SORCS2: variants seen among roughly 807,000 people sequenced by gnomAD.
SORCS2 encodes VPS10 domain-containing receptor SorCS2.
In SORCS2, 100 loss-of-function variants were observed where a neutral mutation model predicts 141.6. The ratio of observed to expected loss-of-function variants is 0.71; its 90% CI spans 0.60 to 0.83. The LOEUF (loss-of-function observed/expected upper bound fraction) is 0.83, where lower values mean the gene tolerates loss of function less well. Ranked by LOEUF, SORCS2 falls within the 40% of genes least tolerant of loss-of-function variation. SORCS2 has a pLI of 0.00. For synonymous variants in SORCS2, 789 were observed against 676.9 expected, an observed-to-expected ratio of 1.17 and a Z score of -2.57; for missense variants, 1,646 against 1,560.2, an observed-to-expected ratio of 1.05 and a Z score of -0.93.
At chr4:7,729,812 A>C in intron 23 of SORCS2, 100 bp downstream of exon 23, 3 of 1,479,700 alleles carry the variant, frequency 2.0e-6, no homozygotes, top group Non-Finnish European at 2.7e-6. Flanking sequence ...CATGGCATAA[A>C]GGCGTCTTTC....
chr4:7,542,165 G>T (rs1712729131), intron 3 of SORCS2, among the ~76,000 whole-genome samples: 3 of 152,208 alleles, frequency 2.0e-5, no homozygotes, highest in Admixed American at 2.0e-4. Flanking sequence ...GCGGAGGGTT[G>T]GGGGGTGTTC....
intron 4 of SORCS2, among the ~76,000 whole-genome samples, chr4:7,646,800 G>C (rs138577380): frequency 1.3e-5 from 2 of 152,328 alleles, no homozygotes; most frequent in African/African-American, 4.8e-5. Flanking sequence ...TTTAAGCTGA[G>C]CCCTCTGGGG....
Position 7,682,708 on chromosome 4 carries a change from G to A in SORCS2, c.1342-35G>A. The A allele has an allele frequency of 6.3e-6, 10 of 1,583,368 alleles. 1 individual carries two copies. Among genetic ancestry groups the A allele is most frequent in the South Asian group, 3.5e-5 (3 of 86,102 alleles). On this transcript the variant is annotated intron_variant, in intron 9 of 26. Coordinates refer to ENST00000507866, the MANE Select transcript of SORCS2 (RefSeq NM_020777.3). ...TACTTGGTCATCAGAGTGCTCCAGT[G>A]TAAGTTTACAGTCCTTCTTTTATTT...
chr4:7,264,052 C>A (rs1714551026), intron 1 of SORCS2, among the ~76,000 whole-genome samples: 1 of 152,172 alleles, frequency 6.6e-6, no homozygotes, highest in Non-Finnish European at 1.5e-5. Context: ...CACAGAGGCC[C>A]CCCTCCCTTT....
At chr4:7,585,501 C>T (rs1349191942) in intron 3 of SORCS2, among the ~76,000 whole-genome samples, 6 of 152,320 alleles carry the variant, frequency 3.9e-5, no homozygotes, top group African/African-American at 1.4e-4. Flanking sequence ...GTGGCCTCAC[C>T]TTGCTGAAAC....
rs376771217 is a variant in SORCS2 at position 7,701,534 on chromosome 4, C to T, written c.1669-1746C>T. On this transcript the variant is annotated intron_variant, in intron 12 of 26. Coordinates refer to ENST00000507866, the MANE Select transcript of SORCS2 (RefSeq NM_020777.3). ...AGGTCAAGGTGGGCAGGGGCCCCTC[C>T]TTCGGGGCCCTGAGGCCGTGGTAGG... Among the ~76,000 whole-genome samples the T allele has an allele frequency of 2.8e-4, 43 of 152,278 alleles. 1 individual carries two copies. In the South Asian group the frequency reaches 8.3e-3, roughly 29 times the overall value.
chr4:7,522,271 A>G (rs934628669), intron 2 of SORCS2, among the ~76,000 whole-genome samples: 1 of 152,184 alleles, frequency 6.6e-6, no homozygotes, highest in Non-Finnish European at 1.5e-5. Context: ...GTCCCCGCCA[A>G]TGGAGTAATT....
intron 2 of SORCS2, among the ~76,000 whole-genome samples, chr4:7,425,466 G>A (rs1182388931): frequency 6.6e-6 from 1 of 152,176 alleles, no homozygotes; most frequent in Non-Finnish European, 1.5e-5. Context: ...GGAGTGGCGA[G>A]ACGTTCCCCT....
intron 11 of SORCS2, among the ~76,000 whole-genome samples, chr4:7,693,243 G>A (rs1229802502): frequency 6.6e-6 from 1 of 152,088 alleles, no homozygotes; most frequent in Non-Finnish European, 1.5e-5. Context: ...AATAGACTAG[G>A]ATAGGAATCC....
At chr4:7,361,637 G>C (rs2109024340) in intron 1 of SORCS2, among the ~76,000 whole-genome samples, 1 of 152,282 alleles carries the variant, frequency 6.6e-6, no homozygotes, top group Admixed American at 6.5e-5. Flanking sequence ...CTGCTTGCCT[G>C]ACTCCAACAG....
At chr4:7,588,174 G>T (rs11721619) in intron 3 of SORCS2, among the ~76,000 whole-genome samples, 43,261 of 152,042 alleles carry the variant, frequency 0.28, 7,001 homozygotes, top group East Asian at 0.67. Flanking sequence ...ATCTTCTGCG[G>T]TCGGCAAATC....
intron 10 of SORCS2, among the ~76,000 whole-genome samples, chr4:7,686,790 C>A (rs1338785323): frequency 6.6e-6 from 1 of 152,232 alleles, no homozygotes; most frequent in Admixed American, 6.5e-5. Context: ...GTGTCAGACA[C>A]CAGCATGGCA....
intron 1 of SORCS2, among the ~76,000 whole-genome samples, chr4:7,311,928 T>A (rs1192646806): frequency 6.6e-6 from 1 of 152,128 alleles, no homozygotes; most frequent in Admixed American, 6.5e-5. Flanking sequence ...CAGGCTGGAG[T>A]GGAGTGGCAC....
intron 1 of SORCS2, among the ~76,000 whole-genome samples, chr4:7,327,089 G>A (rs1322935773): frequency 6.6e-6 from 1 of 152,208 alleles, no homozygotes; most frequent in African/African-American, 2.4e-5. Context: ...CTTCACGGGG[G>A]GCTGGCAGGC....
At chr4:7,217,019 G>A (rs7699290) in intron 1 of SORCS2, among the ~76,000 whole-genome samples, 41,433 of 151,668 alleles carry the variant, frequency 0.27, 6,258 homozygotes, top group East Asian at 0.45. Flanking sequence ...CCAATCCTCC[G>A]ACCGCACTAC....
At position 7,740,337 on chromosome 4, in the gene SORCS2, G is replaced by T; in HGVS notation, c.*73G>T. 2 of 1,385,514 alleles carry T rather than the reference G, an allele frequency of 1.4e-6. No homozygotes were observed. Among genetic ancestry groups the T allele is most frequent in the South Asian group, 2.4e-5 (2 of 82,788 alleles). The allele number at this position is 1,385,514 out of a possible 1,614,324, so 85.8% of individuals were successfully genotyped here. On this transcript the variant is annotated 3_prime_UTR_variant, in exon 27 of 27. Transcript: ENST00000507866. ...CAGCAAAGCCGGCGGCTGGACTGGC[G>T]CCCCTCAGAGACCTGCGGAAAGCCC...
chr4:7,518,733 T>C (rs1279943886), intron 2 of SORCS2, among the ~76,000 whole-genome samples: 1 of 152,082 alleles, frequency 6.6e-6, no homozygotes, highest in African/African-American at 2.4e-5. Flanking sequence ...AGTGCCGGTT[T>C]TCTCTCAGCC....
At chr4:7,613,620 G>A (rs774867908) in intron 3 of SORCS2, among the ~76,000 whole-genome samples, 15 of 152,128 alleles carry the variant, frequency 9.9e-5, no homozygotes, top group Admixed American at 1.3e-4. Context: ...AGAATGACCC[G>A]TGGAGACACT....
intron 10 of SORCS2, among the ~76,000 whole-genome samples, chr4:7,689,016 C>G (rs1250532448): frequency 6.6e-6 from 1 of 152,204 alleles, no homozygotes; most frequent in Non-Finnish European, 1.5e-5. Context: ...AATAAAGGTT[C>G]TGGGTAGGTG....
Sources: gnomAD v4.1 joint callset for allele counts (sites outside exome capture counted in the v4.1 genomes callset) on GRCh38, gnomAD v4.1.1 for gene constraint, MANE v1.5 for transcripts, NCBI Gene and HGNC (gene_info 2026-07-23, HGNC 2026-07-21) for gene names.